NREP: variants seen among roughly 807,000 people sequenced by gnomAD.
The protein encoded by NREP is neuronal regeneration related protein.
Under a neutral mutation model 8.6 loss-of-function variants are expected in NREP, and 5 were observed. The observed-to-expected ratio is 0.58, with a 90% confidence interval of 0.30 to 1.22. The LOEUF (loss-of-function observed/expected upper bound fraction) is 1.22, where lower values mean the gene tolerates loss of function less well. Among genes scored for constraint, NREP ranks in the 50% most tolerant of loss-of-function variants. The pLI is 0.07. For missense variants in NREP, 86 were observed against 82.5 expected (o/e 1.04, Z -0.17); for synonymous variants, 27 against 28.0 (o/e 0.96, Z 0.11).
chr5:111,763,858 T>C (rs1311594902), intron 2 of NREP, among the ~76,000 whole-genome samples: 2 of 152,250 alleles, frequency 1.3e-5, no homozygotes, highest in Non-Finnish European at 2.9e-5. Flanking sequence ...CCTGGAAGAA[T>C]TTTTTGAATT....
At chr5:111,750,070 C>T (rs754465596) in intron 2 of NREP, among the ~76,000 whole-genome samples, 12 of 152,112 alleles carry the variant, frequency 7.9e-5, no homozygotes, top group Non-Finnish European at 1.5e-4. Flanking sequence ...TCAGGGGCTT[C>T]CTATTGCTTA....
At chr5:111,822,777 T>C (rs1046373022) in intron 2 of NREP, among the ~76,000 whole-genome samples, 21 of 152,170 alleles carry the variant, frequency 1.4e-4, no homozygotes, top group African/African-American at 5.1e-4. Flanking sequence ...CAGAAACAGA[T>C]ACACAGGAAA....
intron 2 of NREP, among the ~76,000 whole-genome samples, chr5:111,906,678 T>C (rs1754786706): frequency 6.6e-6 from 1 of 152,092 alleles, no homozygotes; most frequent in Non-Finnish European, 1.5e-5. Flanking sequence ...ATATATACAA[T>C]ACTTATTACA....
intron 2 of NREP, among the ~76,000 whole-genome samples, chr5:111,785,413 G>A (rs1006758987): frequency 2.0e-5 from 3 of 152,054 alleles, no homozygotes; most frequent in Non-Finnish European, 1.5e-5. Context: ...TGAGTAGCTG[G>A]GAGTACAGGC....
chr5:111,926,679 G>T lies in NREP; in HGVS notation c.135+48595C>A, dbSNP rs977326378. Among the ~76,000 whole-genome samples the T allele has an allele frequency of 3.3e-5, 5 of 152,106 alleles. No individual in the cohort carries two copies. In the South Asian group the frequency reaches 1.0e-3, roughly 32 times the overall value. On this transcript the variant is annotated intron_variant, in intron 2 of 3. Coordinates refer to the NREP transcript ENST00000395634. ...CAGAATGCACTCGAGAGGAGTGCAG[G>T]CTGAAGATGGTTTGTTACCCATCTA...
intron 2 of NREP, among the ~76,000 whole-genome samples, chr5:111,911,814 G>A (rs982683309): frequency 1.3e-5 from 2 of 152,012 alleles, no homozygotes; most frequent in Non-Finnish European, 2.9e-5. Context: ...AATCCAAACC[G>A]AAAATAATTT....
intron 2 of NREP, among the ~76,000 whole-genome samples, chr5:111,936,271 T>G (rs1024271382): frequency 5.9e-5 from 9 of 152,016 alleles, no homozygotes; most frequent in Non-Finnish European, 1.0e-4. Context: ...GTTTCCCCCA[T>G]GCTGTTCTCA....
intron 2 of NREP, among the ~76,000 whole-genome samples, chr5:111,955,827 G>C (rs1362091301): frequency 1.3e-5 from 2 of 150,354 alleles, no homozygotes; most frequent in Non-Finnish European, 2.9e-5. Context: ...GGAGTAGACA[G>C]AGCCAAAAGG....
At chr5:111,772,960 T>G (rs146078166) in intron 2 of NREP, among the ~76,000 whole-genome samples, 2 of 152,282 alleles carry the variant, frequency 1.3e-5, no homozygotes, top group African/African-American at 4.8e-5. Context: ...AATGTTCCAT[T>G]TTAGGTTCCG....
upstream of NREP, among the ~76,000 whole-genome samples, chr5:111,758,830 T>A (rs1750886475): frequency 6.6e-6 from 1 of 152,228 alleles, no homozygotes; most frequent in Non-Finnish European, 1.5e-5. Flanking sequence ...CTGAGTTCTC[T>A]GTATGCTTGT....
intron 2 of NREP, among the ~76,000 whole-genome samples, chr5:111,973,008 T>C (rs2112675038): frequency 6.6e-6 from 1 of 152,284 alleles, no homozygotes; most frequent in Admixed American, 6.5e-5. Context: ...GGGTTGTGTG[T>C]AGCTGCACCA....
chr5:111,880,050 G>A (rs896039601), intron 2 of NREP, among the ~76,000 whole-genome samples: 4 of 152,148 alleles, frequency 2.6e-5, no homozygotes, highest in Admixed American at 2.6e-4. Context: ...ATTTCCTTAA[G>A]TAGAGGAATC....
chr5:111,971,419 C>A (rs1385069311), intron 2 of NREP, among the ~76,000 whole-genome samples: 1 of 151,864 alleles, frequency 6.6e-6, no homozygotes, highest in Non-Finnish European at 1.5e-5. Context: ...AAAAACTAAA[C>A]AAATAAAAAA....
At chr5:111,796,179 G>A (rs1236333250) in intron 2 of NREP, among the ~76,000 whole-genome samples, 6 of 152,028 alleles carry the variant, frequency 3.9e-5, no homozygotes, top group South Asian at 2.1e-4. Context: ...CCTTCCTCCC[G>A]AGCAGTACAG....
chr5:111,915,052 T>A (rs1404098989), intron 2 of NREP, among the ~76,000 whole-genome samples: 1 of 152,126 alleles, frequency 6.6e-6, no homozygotes, highest in Non-Finnish European at 1.5e-5. Flanking sequence ...CCTTTGACTA[T>A]TTCTGTGTGT....
At chr5:111,936,015 C>T (rs1755671134) in intron 2 of NREP, among the ~76,000 whole-genome samples, 1 of 152,046 alleles carries the variant, frequency 6.6e-6, no homozygotes, top group East Asian at 1.9e-4. Flanking sequence ...TGCTGGGATC[C>T]TCGGTGCCCC....
chr5:111,955,318 A>T (rs1338528629), intron 2 of NREP, among the ~76,000 whole-genome samples: 1 of 152,122 alleles, frequency 6.6e-6, no homozygotes, highest in Admixed American at 6.6e-5. Flanking sequence ...GAGAAATTTT[A>T]TAAAAATTCA....
intron 2 of NREP, among the ~76,000 whole-genome samples, chr5:111,822,230 G>C (rs898306181): frequency 6.6e-6 from 1 of 152,142 alleles, no homozygotes; most frequent in Non-Finnish European, 1.5e-5. Context: ...GAAAGTCCAA[G>C]GTCCTGGAGA....
chr5:111,901,582 A>C (rs1211480063), intron 2 of NREP, among the ~76,000 whole-genome samples: 1 of 152,130 alleles, frequency 6.6e-6, no homozygotes, highest in African/African-American at 2.4e-5. Flanking sequence ...TCGACCCCAA[A>C]ACTCTTAGAA....
Sources: gnomAD v4.1 joint callset for allele counts (sites outside exome capture counted in the v4.1 genomes callset) on GRCh38, gnomAD v4.1.1 for gene constraint, MANE v1.5 for transcripts, NCBI Gene and HGNC (gene_info 2026-07-23, HGNC 2026-07-21) for gene names.